The following GLDC variants were observed in gnomAD, a reference collection of about 807,000 sequenced individuals.
GLDC encodes glycine dehydrogenase (decarboxylating), mitochondrial.
In GLDC, 104 loss-of-function variants were observed where a neutral mutation model predicts 121.3. The observed-to-expected ratio is 0.86, with a 90% CI of 0.73 to 1.01. GLDC has a LOEUF of 1.01. Among genes scored for constraint, GLDC ranks in the 50% least tolerant of loss-of-function variants. The pLI is 0.00. For synonymous variants in GLDC, 546 were observed against 480.6 expected (o/e 1.14, Z -1.78); for missense variants, 1,429 against 1,306.6 (o/e 1.09, Z -1.44).
intron 8 of GLDC, among the ~76,000 whole-genome samples, chr9:6,599,287 T>C (rs1479213378): frequency 6.6e-6 from 1 of 151,668 alleles, no homozygotes; most frequent in Admixed American, 6.6e-5. Flanking sequence ...AGGCCCTAAA[T>C]GGACTTATGA....
intron 3 of GLDC, among the ~76,000 whole-genome samples, chr9:6,613,401 A>C (rs983069405): frequency 2.0e-5 from 3 of 152,092 alleles, no homozygotes; most frequent in Non-Finnish European, 2.9e-5. Context: ...CCAAGGTGGG[A>C]GGATCACTTG....
chr9:6,630,685 G>A (rs997967936), intron 2 of GLDC, among the ~76,000 whole-genome samples: 1 of 152,184 alleles, frequency 6.6e-6, no homozygotes, highest in Non-Finnish European at 1.5e-5. Context: ...CTGTGAAGCT[G>A]AGAGGGAACC....
At position 6,644,432 on chromosome 9, in the gene GLDC, C is replaced by G. The variant is rs1819696919; in HGVS notation, c.334+182G>C. ...CGACTCTCTCCTAACACAAAACTGT[C>G]TGCTCCGAGAACCAAATATCCCACC... On this transcript the variant is annotated intron_variant, in intron 2 of 24. Coordinates refer to ENST00000321612, the MANE Select transcript of GLDC (RefSeq NM_000170.3). 3 of 650,312 alleles carry G rather than the reference C, an allele frequency of 4.6e-6. No individual in the cohort carries two copies. In the Admixed American group the frequency reaches 7.0e-5, roughly 15 times the overall value. 40.3% of individuals were successfully genotyped at this position (650,312 alleles called of 1,614,324 possible). A position where few individuals can be genotyped will look rare whatever the true frequency, so the allele number is the denominator to read the frequency against.
At chr9:6,602,589 G>A (rs1818638608) in intron 7 of GLDC, among the ~76,000 whole-genome samples, 1 of 152,086 alleles carries the variant, frequency 6.6e-6, no homozygotes, top group Non-Finnish European at 1.5e-5. Context: ...CTGGCCTCAG[G>A]TGATCCGCCT....
chr9:6,604,494 C>G, intron 7 of GLDC, 94 bp downstream of exon 7: 1 of 1,149,044 alleles, frequency 8.7e-7, no homozygotes, highest in Non-Finnish European at 1.3e-6. Flanking sequence ...TCAACATGGC[C>G]CAGTTGAATT....
rs386833545 is a variant in GLDC, at chr9:6,554,783, T to C, written c.2203-2A>G. The C allele has an allele frequency of 5.6e-6, 9 of 1,609,298 alleles. No homozygotes were observed. The highest frequency in any genetic ancestry group is 7.6e-6 in the Non-Finnish European group (9 of 1,177,062). ...GTCTCCAGGGCGACAGATTCCCACC[T>C]ACCACAAAGGCAAGGGCCAAAAGCA... On this transcript the variant is annotated splice_acceptor_variant, in intron 18 of 24. Coordinates refer to ENST00000321612, the MANE Select transcript of GLDC (RefSeq NM_000170.3). LOFTEE classifies it high-confidence loss of function.
At chr9:6,538,633 T>A (rs1366004724) in intron 22 of GLDC, among the ~76,000 whole-genome samples, 1 of 152,190 alleles carries the variant, frequency 6.6e-6, no homozygotes. Context: ...GTTCTATCAA[T>A]CTTCAAAACA....
intron 15 of GLDC, among the ~76,000 whole-genome samples, chr9:6,566,934 T>C: frequency 6.6e-6 from 1 of 152,124 alleles, no homozygotes. Flanking sequence ...ACATGCCAAA[T>C]GGCCAACAGT....
intron 22 of GLDC, 24 bp from the exon 23 acceptor site, chr9:6,536,260 T>G: frequency 6.2e-7 from 1 of 1,607,854 alleles, no homozygotes; most frequent in Non-Finnish European, 8.5e-7. Flanking sequence ...CAGGAGAACT[T>G]GCCTCACTGA....
At chr9:6,544,524 A>G (rs1272770273) in intron 21 of GLDC, among the ~76,000 whole-genome samples, 1 of 151,986 alleles carries the variant, frequency 6.6e-6, no homozygotes, top group African/African-American at 2.4e-5. Flanking sequence ...GGCACCTGTA[A>G]TCATAGTGGG....
chr9:6,611,757 T>C (rs759227155), intron 3 of GLDC, among the ~76,000 whole-genome samples: 1 of 152,228 alleles, frequency 6.6e-6, no homozygotes, highest in Non-Finnish European at 1.5e-5. Context: ...CTTCCTGTCG[T>C]ATATCTTGTG....
chr9:6,577,884 CTGT>C (rs1271479357), intron 15 of GLDC, among the ~76,000 whole-genome samples: 1 of 151,360 alleles, frequency 6.6e-6, no homozygotes, highest in African/African-American at 2.4e-5. Context: ...ACTTCTTTCT[CTGT>C]TGTTTTAGGG....
At chr9:6,616,659 T>A (rs1437797334) in intron 3 of GLDC, among the ~76,000 whole-genome samples, 2 of 152,222 alleles carry the variant, frequency 1.3e-5, no homozygotes, top group Admixed American at 1.3e-4. Context: ...ATCTATAATG[T>A]CTATGTTCCA....
intron 2 of GLDC, among the ~76,000 whole-genome samples, chr9:6,631,067 C>A (rs932457292): frequency 6.6e-6 from 1 of 152,220 alleles, no homozygotes; most frequent in African/African-American, 2.4e-5. Context: ...AAAACCCTTG[C>A]AGACCAGCAG....
At chr9:6,596,431 C>G (rs919193202) in intron 8 of GLDC, among the ~76,000 whole-genome samples, 12 of 152,092 alleles carry the variant, frequency 7.9e-5, no homozygotes. Context: ...ATTTCTTTCA[C>G]AAATTGAACA....
Position 6,556,316 on chromosome 9 carries a change from G to C in GLDC, c.2053-14C>G, listed in dbSNP as rs781398668. 1.2e-6 allele frequency: 2 copies of C among 1,611,034 alleles called. No individual in the cohort carries two copies. Among genetic ancestry groups the C allele is most frequent in the African/African-American group, 1.3e-5 (1 of 74,980 alleles). ...GTGCTTATCCACCTGTGAAAGAAAA[G>C]GGGTAGAGAAGGACATGGAGGGAGG... On this transcript the variant is annotated splice_polypyrimidine_tract_variant and intron_variant, in intron 17 of 24. Transcript: ENST00000321612.
chr9:6,645,346 G>T lies in GLDC; in HGVS notation c.154C>A (p.Leu52Ile), dbSNP rs1395595781. ...GDSAAAGASRLLERLLPRHDD... is the reference protein window; with the variant it reads ...GDSAAAGASRILERLLPRHDD... The stretch of plus-strand genomic sequence containing the variant: ...TGTCTGGGCAGAAGGCGCTCCAGGA[G>T]GCGCGAGGCCCCAGCCGCGGCGCTG... The change falls in exon 1 of 25, where the codon CTC becomes ATC. Residue 52 changes from leucine to isoleucine, a missense_variant. Leu to Ile is a conservative substitution (Grantham distance 5). Coordinates refer to ENST00000321612, the MANE Select transcript of GLDC (RefSeq NM_000170.3). 45 of 1,543,516 alleles carry T rather than the reference G, an allele frequency of 2.9e-5. No homozygotes were observed. Among genetic ancestry groups the T allele is most frequent in the African/African-American group, 5.6e-5 (4 of 71,654 alleles).
chr9:6,643,435 A>G (rs1819668949), intron 2 of GLDC, among the ~76,000 whole-genome samples: 1 of 150,392 alleles, frequency 6.6e-6, no homozygotes, highest in Non-Finnish European at 1.5e-5. Flanking sequence ...GATCCTTTCT[A>G]TCATAGCAAC....
intron 20 of GLDC, among the ~76,000 whole-genome samples, chr9:6,551,647 T>A (rs1253987863): frequency 6.6e-6 from 1 of 152,074 alleles, no homozygotes; most frequent in Non-Finnish European, 1.5e-5. Flanking sequence ...TCCAGGCTGG[T>A]CAAAGAAGGG....
Sources: gnomAD v4.1 joint callset for allele counts (sites outside exome capture counted in the v4.1 genomes callset) on GRCh38, gnomAD v4.1.1 for gene constraint, MANE v1.5 for transcripts, NCBI Gene and HGNC (gene_info 2026-07-23, HGNC 2026-07-21) for gene names.